The following UBTD2 variants were observed in gnomAD, a reference collection of about 807,000 sequenced individuals.
UBTD2 encodes the protein ubiquitin domain-containing protein 2.
UBTD2 carries 9 observed loss-of-function variants against 19.8 expected under a neutral mutation model. That is an observed-to-expected ratio of 0.46 (90% CI 0.27 to 0.79). The LOEUF is 0.79. Among genes scored for constraint, UBTD2 ranks in the 30% least tolerant of loss-of-function variants. The pLI is 0.14. For synonymous variants in UBTD2, 98 were observed against 103.9 expected, an observed-to-expected ratio of 0.94 and a Z score of 0.35; for missense variants, 250 against 300.4, an observed-to-expected ratio of 0.83 and a Z score of 1.24.
chr5:172,220,857 C>T (rs889450861), intron 2 of UBTD2, among the ~76,000 whole-genome samples: 1 of 152,018 alleles, frequency 6.6e-6, no homozygotes, highest in African/African-American at 2.4e-5. Context: ...GACATACTGT[C>T]TATGTAAAAA....
intron 1 of UBTD2, among the ~76,000 whole-genome samples, chr5:172,236,738 A>C (rs184810055): frequency 6.6e-6 from 1 of 152,224 alleles, no homozygotes; most frequent in Non-Finnish European, 1.5e-5. Context: ...ATCTGGCCTC[A>C]TATGTATTAA....
chr5:172,259,999 G>A (rs1292045043), intron 1 of UBTD2, among the ~76,000 whole-genome samples: 1 of 152,088 alleles, frequency 6.6e-6, no homozygotes, highest in African/African-American at 2.4e-5. Flanking sequence ...GTTGCAGTGA[G>A]CCAAGATCGT....
chr5:172,246,766 T>C (rs1387454550), intron 1 of UBTD2, among the ~76,000 whole-genome samples: 1 of 131,648 alleles, frequency 7.6e-6, no homozygotes, highest in Non-Finnish European at 1.6e-5. Flanking sequence ...TTTTTTTTTT[T>C]TTTTTTTTTT....
intron 1 of UBTD2, among the ~76,000 whole-genome samples, chr5:172,242,594 C>T (rs189424304): frequency 1.9e-4 from 29 of 152,250 alleles, no homozygotes; most frequent in African/African-American, 6.7e-4. Context: ...AGTAAGAATT[C>T]TTCATATATG....
chr5:172,265,342 T>A (rs1297259352), intron 1 of UBTD2, among the ~76,000 whole-genome samples: 1 of 152,106 alleles, frequency 6.6e-6, no homozygotes, highest in Non-Finnish European at 1.5e-5. Flanking sequence ...AGTAGTAAAC[T>A]TTTTTTTGAG....
At chr5:172,273,920 T>C (rs935246523) in intron 1 of UBTD2, among the ~76,000 whole-genome samples, 5 of 152,010 alleles carry the variant, frequency 3.3e-5, no homozygotes, top group African/African-American at 1.2e-4. Context: ...TCCCTACAAC[T>C]CCACTCCTCC....
chr5:172,258,101 AT>A (rs1755196455), intron 1 of UBTD2, among the ~76,000 whole-genome samples: 1 of 152,144 alleles, frequency 6.6e-6, no homozygotes, highest in Non-Finnish European at 1.5e-5. Context: ...CCAGAATGGT[AT>A]TTCCTAGGGT....
chr5:172,282,338 T>C (rs1221413078), intron 1 of UBTD2, among the ~76,000 whole-genome samples: 1 of 152,196 alleles, frequency 6.6e-6, no homozygotes, highest in African/African-American at 2.4e-5. Flanking sequence ...TTTCATGGAC[T>C]TTTTCAAGAC....
At chr5:172,241,437 G>C (rs1280987238) in intron 1 of UBTD2, among the ~76,000 whole-genome samples, 1 of 147,276 alleles carries the variant, frequency 6.8e-6, no homozygotes, top group African/African-American at 2.5e-5. Context: ...AAAAAAAGAT[G>C]CCCACTATCT....
At chr5:172,242,333 C>A (rs1319563701) in intron 1 of UBTD2, 1 of 962,124 alleles carries the variant, frequency 1.0e-6, no homozygotes, top group East Asian at 1.2e-4. Context: ...AAATTTATAT[C>A]ATCTATTATG....
intron 1 of UBTD2, among the ~76,000 whole-genome samples, chr5:172,242,236 C>A (rs1220342233): frequency 6.6e-6 from 1 of 152,150 alleles, no homozygotes; most frequent in Non-Finnish European, 1.5e-5. Context: ...TATAAATTAC[C>A]CAGTCTCAGG....
intron 1 of UBTD2, among the ~76,000 whole-genome samples, chr5:172,262,446 C>CA (rs1191776236): frequency 0.088 from 4,259 of 48,642 alleles, 223 homozygotes; most frequent in African/African-American, 0.15. Flanking sequence ...ACAGATCCAC[C>CA]AAAAAAAAAA....
At chr5:172,263,875 G>GTGTGTGTGTGTGTGTGTGTA (rs1403551517) in intron 1 of UBTD2, among the ~76,000 whole-genome samples, 6 of 151,678 alleles carry the variant, frequency 4.0e-5, no homozygotes, top group African/African-American at 1.5e-4. Context: ...GTGTGTGTGT[G>GTGTGTGTGTGTGTGTGTGTA]TAATTTTTCT....
intron 1 of UBTD2, among the ~76,000 whole-genome samples, chr5:172,265,927 GTTTT>G (rs200089104): frequency 6.8e-6 from 1 of 146,120 alleles, no homozygotes; most frequent in Non-Finnish European, 1.5e-5. Flanking sequence ...ACCACCCATT[GTTTT>G]TTTTTTTGTT....
chr5:172,246,851 C>T (rs1405477855), intron 1 of UBTD2, among the ~76,000 whole-genome samples: 1 of 145,424 alleles, frequency 6.9e-6, no homozygotes, highest in African/African-American at 2.6e-5. Context: ...GCAACCTCTG[C>T]CTTCCAGATT....
At chr5:172,231,950 A>G (rs1561853631) in intron 2 of UBTD2, among the ~76,000 whole-genome samples, 1 of 152,288 alleles carries the variant, frequency 6.6e-6, no homozygotes, top group Admixed American at 6.5e-5. Flanking sequence ...AAGAATTTAG[A>G]GACTATCCAT....
chr5:172,258,654 G>A (rs1755206814), intron 1 of UBTD2, among the ~76,000 whole-genome samples: 1 of 152,070 alleles, frequency 6.6e-6, no homozygotes, highest in Non-Finnish European at 1.5e-5. Context: ...TGTAATTCTT[G>A]TTGTAGAGAT....
At chr5:172,255,273 C>A in intron 1 of UBTD2, 1 of 451,754 alleles carries the variant, frequency 2.2e-6, no homozygotes. Flanking sequence ...GTATTCCATG[C>A]CACAGGCCTT....
In UBTD2 at chr5:172,211,324, C is replaced by T. The variant is rs1477016739; in HGVS notation, c.*506G>A. 1.3e-5 allele frequency: 2 copies of T among 149,838 alleles called. No individual in the cohort carries two copies. The highest frequency in any genetic ancestry group is 2.9e-5 in the Non-Finnish European group (2 of 67,848). 9.3% of individuals were successfully genotyped at this position (149,838 alleles called of 1,614,324 possible). ...ACCAGAATAGAAGCAACCTCAAATACTGCTCTTTTCAGTTTCCATTAACCA... is the reference window on the plus strand; with the variant it reads ...ACCAGAATAGAAGCAACCTCAAATATTGCTCTTTTCAGTTTCCATTAACCA... On this transcript the variant is annotated 3_prime_UTR_variant, in exon 3 of 3. Transcript: ENST00000393792.
Sources: allele counts gnomAD v4.1 joint callset (sites outside exome capture counted in the v4.1 genomes callset), GRCh38; gene constraint gnomAD v4.1.1; transcripts MANE v1.5; gene names NCBI Gene and HGNC (gene_info 2026-07-23, HGNC 2026-07-21).